Variants in AFF4 observed in about 807,000 individuals in gnomAD.
AFF4 encodes the protein ALF transcription elongation factor 4.
Under a neutral mutation model 124.8 loss-of-function variants are expected in AFF4, and 13 were observed. That is an observed-to-expected ratio of 0.10 (90% CI 0.07 to 0.17). The LOEUF (loss-of-function observed/expected upper bound fraction) is 0.17, where lower values mean the gene tolerates loss of function less well. Ranked by LOEUF, AFF4 falls within the 10% of genes least tolerant of loss-of-function variation. The pLI is 1.00. For synonymous variants in AFF4, 477 were observed against 496.1 expected (o/e 0.96, Z 0.51); for missense variants, 1,092 against 1,403.8 (o/e 0.78, Z 3.55).
intron 1 of AFF4, among the ~76,000 whole-genome samples, chr5:132,944,375 G>A (rs574925158): frequency 1.3e-5 from 2 of 151,436 alleles, no homozygotes; most frequent in East Asian, 2.0e-4. Context: ...GGTCAGGCAC[G>A]GTGGTTCACA....
chr5:132,962,692 C>G (rs149993960), intron 1 of AFF4, among the ~76,000 whole-genome samples: 5 of 152,072 alleles, frequency 3.3e-5, no homozygotes, highest in Non-Finnish European at 7.4e-5. Flanking sequence ...ACTGGGATAA[C>G]TAGGTAACAG....
intron 20 of AFF4, 43 bp from the exon 21 acceptor site, chr5:132,881,229 G>T: frequency 1.9e-6 from 3 of 1,593,890 alleles, no homozygotes; most frequent in Non-Finnish European, 2.6e-6. Context: ...ATACTCTTTT[G>T]AATCACTGCT....
intron 19 of AFF4, among the ~76,000 whole-genome samples, chr5:132,883,828 C>T (rs1025315863): frequency 2.0e-5 from 3 of 152,150 alleles, no homozygotes; most frequent in African/African-American, 7.2e-5. Flanking sequence ...TACCTTGTTA[C>T]AGTTCAAAGA....
chr5:132,961,837 A>G (rs1762088082), intron 1 of AFF4, among the ~76,000 whole-genome samples: 1 of 152,222 alleles, frequency 6.6e-6, no homozygotes. Flanking sequence ...AAACCACCGC[A>G]AATTGAATGA....
At chr5:132,921,800 A>G (rs1761054345) in intron 5 of AFF4, among the ~76,000 whole-genome samples, 1 of 151,778 alleles carries the variant, frequency 6.6e-6, no homozygotes, top group South Asian at 2.1e-4. Flanking sequence ...TTTCCCCCCC[A>G]GAGAGAGTCA....
intron 1 of AFF4, among the ~76,000 whole-genome samples, chr5:132,950,851 A>ACAACTT (rs1761828041): frequency 6.6e-6 from 1 of 152,122 alleles, no homozygotes; most frequent in Non-Finnish European, 1.5e-5. Flanking sequence ...TTTTTCTCCA[A>ACAACTT]CAACTTCAAC....
At chr5:132,939,348 C>G (rs1277172767) in intron 1 of AFF4, among the ~76,000 whole-genome samples, 1 of 152,092 alleles carries the variant, frequency 6.6e-6, no homozygotes, top group Non-Finnish European at 1.5e-5. Flanking sequence ...TTTGGTTTCG[C>G]TAATACTTAG....
intron 3 of AFF4, among the ~76,000 whole-genome samples, chr5:132,933,781 T>C (rs890853467): frequency 1.3e-5 from 2 of 152,192 alleles, no homozygotes; most frequent in Non-Finnish European, 2.9e-5. Flanking sequence ...TTCATTAGTA[T>C]CAATCTAAGC....
rs1051105245 is a variant in AFF4, at chr5:132,875,932, T to G, written c.*5127A>C. ...TACCTTTCTGCAAAATCAACAGGCT[T>G]TTAATTTATCAGTGACATTATCTCC... On this transcript the variant is annotated 3_prime_UTR_variant, in exon 21 of 21. Coordinates refer to ENST00000265343, the MANE Select transcript of AFF4 (RefSeq NM_014423.4). 2 of 226,076 alleles carry G rather than the reference T, an allele frequency of 8.8e-6. No homozygotes were observed. Among genetic ancestry groups the G allele is most frequent in the African/African-American group, 2.2e-5 (1 of 44,978 alleles). The allele number at this position is 226,076 out of a possible 1,614,324, so 14.0% of individuals were successfully genotyped here.
chr5:132,958,592 C>G (rs1420211028), intron 1 of AFF4, among the ~76,000 whole-genome samples: 1 of 151,694 alleles, frequency 6.6e-6, no homozygotes, highest in Non-Finnish European at 1.5e-5. Context: ...GTAAATCAGG[C>G]CTTTAAAAAC....
At chr5:132,915,029 C>G (rs1455204341) in intron 5 of AFF4, among the ~76,000 whole-genome samples, 1 of 152,018 alleles carries the variant, frequency 6.6e-6, no homozygotes, top group Non-Finnish European at 1.5e-5. Context: ...TAAATTCTAA[C>G]AAACACTTAA....
Position 132,934,424 on chromosome 5 carries a change from C to T in AFF4, c.641G>A (p.Arg214Gln), listed in dbSNP as rs145284835. 1.2e-5 allele frequency: 19 copies of T among 1,614,066 alleles called. No homozygotes were observed. The East Asian group carries it at 2.7e-4, about 23-fold the overall frequency. ...AGAATCCCAGTTTGCATCAGGGTCCCGAGGTGATTTGGAGCGTTGATGTTC... is the reference window on the plus strand; with the variant it reads ...AGAATCCCAGTTTGCATCAGGGTCCTGAGGTGATTTGGAGCGTTGATGTTC... ...SKEHQRSKSP[R>Q]DPDANWDSPS... is the part of the protein sequence containing the mutation. Residue 214 changes from arginine (R) to glutamine (Q), a missense_variant, in exon 3 of 21, where the codon CGG becomes CAG. By Grantham distance (43) the Arg-to-Gln change is conservative. Around this residue, in one of 11 missense-constraint regions of AFF4, gnomAD observed 188 missense variants for 203.0 expected, o/e 0.93. Transcript: ENST00000265343.
intron 5 of AFF4, among the ~76,000 whole-genome samples, chr5:132,920,751 C>CT (rs986824860): frequency 6.6e-6 from 1 of 152,110 alleles, no homozygotes; most frequent in African/African-American, 2.4e-5. Flanking sequence ...TAGAGGGACA[C>CT]TATTAAGAGA....
At position 132,878,796 on chromosome 5, in the gene AFF4, A is replaced by G. The variant is rs1759900385; in HGVS notation, c.*2263T>C. 2 of 223,076 alleles carry G rather than the reference A, an allele frequency of 9.0e-6. No homozygotes were observed. Among genetic ancestry groups the G allele is most frequent in the Admixed American group, 1.2e-4 (2 of 17,386 alleles). 13.8% of individuals were successfully genotyped at this position (223,076 alleles called of 1,614,324 possible). ...ACAAAATATCAGTGTGACCCCAAAA[A>G]TGCTCCTGCTGCCTTTCAGGACATA... On this transcript the variant is annotated 3_prime_UTR_variant, in exon 21 of 21. Transcript: ENST00000265343.
At chr5:132,930,605 G>A (rs1761275591) in intron 4 of AFF4, among the ~76,000 whole-genome samples, 1 of 151,340 alleles carries the variant, frequency 6.6e-6, no homozygotes, top group South Asian at 2.1e-4. Context: ...TCTTTCAAAG[G>A]TGTTCACAGT....
At chr5:132,899,072 A>G in intron 9 of AFF4, 32 bp downstream of exon 9, 1 of 1,602,834 alleles carries the variant, frequency 6.2e-7, no homozygotes, top group Non-Finnish European at 8.5e-7. Flanking sequence ...CCCAACTCTT[A>G]CCAATAAAAC....
Position 132,896,484 on chromosome 5 carries a change from C to A in AFF4, c.2146G>T (p.Val716Leu), listed in dbSNP as rs1760401013. 6.2e-7 allele frequency: 1 copy of A among 1,614,066 alleles called. No homozygotes were observed. The highest frequency in any genetic ancestry group is 1.3e-5 in the African/African-American group (1 of 74,914). ...GTCAAAAGATTCAGGTCAATCTTCA[C>A]AATAAGTGGGTACCTGTCATCAGGC... is the stretch of plus-strand genomic sequence containing the variant. The part of the protein sequence containing the change: ...SEPDDRYPLI[V>L]KIDLNLLTRI... The change falls in exon 11 of 21, where the codon GTG (valine) becomes TTG (leucine). Residue 716 changes from valine (V) to leucine (L), a missense_variant. This residue lies in a region of AFF4 where 293 missense variants were observed against 280.2 expected (regional missense o/e 1.05). Coordinates refer to ENST00000265343, the MANE Select transcript of AFF4 (RefSeq NM_014423.4).
chr5:132,902,507 G>C lies in AFF4; in HGVS notation c.1088-20C>G, dbSNP rs1282036513. Reference sequence around the variant, plus strand: ...ATCTTTCTGGAACAAAAAGAATGAAGTGAGCAACTAAAGGATGGCTATTTA... The same window carrying C: ...ATCTTTCTGGAACAAAAAGAATGAACTGAGCAACTAAAGGATGGCTATTTA... On this transcript the variant is annotated intron_variant, in intron 6 of 20. Transcript: ENST00000265343. 2 of 1,587,762 alleles carry C rather than the reference G, an allele frequency of 1.3e-6. No individual in the cohort carries two copies. The highest frequency in any genetic ancestry group is 3.3e-5 in the Admixed American group (2 of 59,938).
intron 12 of AFF4, 126 bp from the exon 13 acceptor site, chr5:132,892,530 A>T: frequency 7.5e-7 from 1 of 1,330,268 alleles, no homozygotes; most frequent in South Asian, 1.5e-5. Context: ...AGGACACATG[A>T]TTTCTATAAA....
Sources: gnomAD v4.1 joint callset for allele counts (sites outside exome capture counted in the v4.1 genomes callset) on GRCh38, gnomAD v4.1.1 for gene constraint, gnomAD v4.1.1 regional missense constraint, MANE v1.5 for transcripts, NCBI Gene and HGNC (gene_info 2026-07-23, HGNC 2026-07-21) for gene names.